ARHGAP21: variants seen among roughly 807,000 people sequenced by gnomAD.
ARHGAP21 encodes the protein rho GTPase-activating protein 21.
ARHGAP21 carries 38 observed loss-of-function variants against 164.6 expected under a neutral mutation model. That is an observed-to-expected ratio of 0.23 (90% CI 0.18 to 0.30). The LOEUF (loss-of-function observed/expected upper bound fraction) is 0.30, where lower values mean the gene tolerates loss of function less well. Ranked by LOEUF, ARHGAP21 falls within the 10% of genes least tolerant of loss-of-function variation. The probability of loss-of-function intolerance (pLI) is 1.00; values close to 1 mark genes in which losing one functional copy is unlikely to be tolerated. For missense variants in ARHGAP21, 1,822 were observed against 2,370.7 expected, an observed-to-expected ratio of 0.77 and a Z score of 4.81; for synonymous variants, 766 against 857.9, an observed-to-expected ratio of 0.89 and a Z score of 1.87.
chr10:24,675,898 A>G (rs1841169992), intron 2 of ARHGAP21, among the ~76,000 whole-genome samples: 1 of 152,232 alleles, frequency 6.6e-6, no homozygotes, highest in Non-Finnish European at 1.5e-5. Flanking sequence ...CTGTAATCAC[A>G]GCACTTTGGG....
At chr10:24,659,709 A>C (rs889666778) in intron 4 of ARHGAP21, among the ~76,000 whole-genome samples, 2 of 151,960 alleles carry the variant, frequency 1.3e-5, no homozygotes, top group Non-Finnish European at 2.9e-5. Context: ...TTGCTATGTT[A>C]CCCAGGCTGT....
At chr10:24,700,085 G>A (rs1843522101) in intron 2 of ARHGAP21, among the ~76,000 whole-genome samples, 1 of 152,106 alleles carries the variant, frequency 6.6e-6, no homozygotes, top group African/African-American at 2.4e-5. Context: ...GAAGCGGTCT[G>A]GCTGGATTTC....
intron 4 of ARHGAP21, among the ~76,000 whole-genome samples, chr10:24,659,672 C>CT (rs1006386693): frequency 9.9e-5 from 15 of 152,082 alleles, no homozygotes; most frequent in South Asian, 2.1e-4. Flanking sequence ...AAAGAACTTT[C>CT]TTTTTTTTGT....
intron 2 of ARHGAP21, among the ~76,000 whole-genome samples, chr10:24,683,095 CAAAAAAAA>C (rs200968718): frequency 2.2e-5 from 2 of 89,000 alleles, no homozygotes; most frequent in Non-Finnish European, 4.9e-5. Context: ...AACTCCATCT[CAAAAAAAA>C]AAAAAAAAAA....
At chr10:24,606,424 G>A (rs1367192480) in intron 11 of ARHGAP21, among the ~76,000 whole-genome samples, 5 of 152,006 alleles carry the variant, frequency 3.3e-5, no homozygotes, top group Non-Finnish European at 7.4e-5. Context: ...ATACGAAATG[G>A]TGTTCAACTG....
At chr10:24,669,405 T>C (rs1015069803) in intron 3 of ARHGAP21, among the ~76,000 whole-genome samples, 3 of 152,204 alleles carry the variant, frequency 2.0e-5, no homozygotes, top group Admixed American at 6.5e-5. Context: ...AATGGAAATC[T>C]AGAGGTCAAA....
At chr10:24,705,606 G>A (rs1421963036) in intron 2 of ARHGAP21, among the ~76,000 whole-genome samples, 1 of 152,156 alleles carries the variant, frequency 6.6e-6, no homozygotes, top group Non-Finnish European at 1.5e-5. Flanking sequence ...GAAATGGTTG[G>A]GGCTGGGGCA....
intron 4 of ARHGAP21, among the ~76,000 whole-genome samples, chr10:24,659,607 G>A (rs752419283): frequency 6.6e-6 from 1 of 152,108 alleles, no homozygotes; most frequent in South Asian, 2.1e-4. Flanking sequence ...AAGCCACTGC[G>A]CCCGGCCCAG....
At chr10:24,626,026 C>A (rs954126902) in intron 7 of ARHGAP21, among the ~76,000 whole-genome samples, 1 of 152,154 alleles carries the variant, frequency 6.6e-6, no homozygotes, top group Non-Finnish European at 1.5e-5. Flanking sequence ...CATTTGCTTT[C>A]TTCCTTATTA....
intron 11 of ARHGAP21, among the ~76,000 whole-genome samples, chr10:24,604,673 C>T (rs903633105): frequency 6.6e-6 from 1 of 152,026 alleles, no homozygotes; most frequent in African/African-American, 2.4e-5. Context: ...AGCTGCAATG[C>T]TATATTAAGG....
At chr10:24,696,075 C>T (rs1565178942) in intron 2 of ARHGAP21, among the ~76,000 whole-genome samples, 1 of 152,232 alleles carries the variant, frequency 6.6e-6, no homozygotes, top group Non-Finnish European at 1.5e-5. Context: ...CCACCAAAAA[C>T]AACTAAAAAT....
At chr10:24,624,337 C>CTTTTTTTTTTTTTTTTTTTTTTTTTT (rs565872094) in intron 7 of ARHGAP21, among the ~76,000 whole-genome samples, 1 of 102,892 alleles carries the variant, frequency 9.7e-6, no homozygotes, top group Non-Finnish European at 1.8e-5. Context: ...TGTTCTAGAA[C>CTTTTTTTTTTTTTTTTTTTTTTTTTT]TTTTTTTTTT....
At chr10:24,698,963 G>C (rs566699397) in intron 2 of ARHGAP21, among the ~76,000 whole-genome samples, 1 of 152,276 alleles carries the variant, frequency 6.6e-6, no homozygotes, top group Admixed American at 6.5e-5. Context: ...AAAGGTTTCA[G>C]TAACAGAGCA....
chr10:24,640,602 T>C (rs889579314), intron 4 of ARHGAP21, among the ~76,000 whole-genome samples: 1 of 152,050 alleles, frequency 6.6e-6, no homozygotes, highest in African/African-American at 2.4e-5. Flanking sequence ...GTTTATCACA[T>C]AATGGAATAT....
At chr10:24,668,341 T>C (rs1840389158) in intron 3 of ARHGAP21, among the ~76,000 whole-genome samples, 1 of 152,214 alleles carries the variant, frequency 6.6e-6, no homozygotes, top group South Asian at 2.1e-4. Flanking sequence ...TACGTCTGTG[T>C]GAGTTCTCTC....
chr10:24,649,318 T>C (rs1837918137), intron 4 of ARHGAP21, among the ~76,000 whole-genome samples: 1 of 152,168 alleles, frequency 6.6e-6, no homozygotes, highest in Non-Finnish European at 1.5e-5. Context: ...AAACAATATA[T>C]GCCCAGGCCA....
At chr10:24,651,271 G>C (rs1253997866) in intron 4 of ARHGAP21, among the ~76,000 whole-genome samples, 1 of 152,196 alleles carries the variant, frequency 6.6e-6, no homozygotes, top group African/African-American at 2.4e-5. Flanking sequence ...TTTGCCTGGG[G>C]ACTCTTCACT....
intron 5 of ARHGAP21, 110 bp from the exon 6 acceptor site, chr10:24,633,590 AAAT>A (rs1836051426): frequency 3.5e-6 from 2 of 571,354 alleles, no homozygotes; most frequent in East Asian, 6.0e-5. Flanking sequence ...GTATATATTA[AAAT>A]AATAAAATAC....
chr10:24,660,088 C>T (rs1234221136), intron 4 of ARHGAP21, among the ~76,000 whole-genome samples: 1 of 152,094 alleles, frequency 6.6e-6, no homozygotes, highest in African/African-American at 2.4e-5. Flanking sequence ...CTTCCTACTT[C>T]CTAAAATATC....
Sources: gnomAD v4.1 joint callset for allele counts (sites outside exome capture counted in the v4.1 genomes callset) on GRCh38, gnomAD v4.1.1 for gene constraint, MANE v1.5 for transcripts, NCBI Gene and HGNC (gene_info 2026-07-23, HGNC 2026-07-21) for gene names.